The following FER1L6 variants were observed in gnomAD, a reference collection of about 807,000 sequenced individuals.
FER1L6 encodes the protein fer-1-like protein 6.
In FER1L6, 177 loss-of-function variants were observed where a neutral mutation model predicts 219.2. That is an observed-to-expected ratio of 0.81 (90% CI 0.71 to 0.91). The LOEUF (loss-of-function observed/expected upper bound fraction) is 0.91, where lower values mean the gene tolerates loss of function less well. Among genes scored for constraint, FER1L6 ranks in the 40% least tolerant of loss-of-function variants. FER1L6 has a pLI of 0.00. For missense variants in FER1L6, 2,153 were observed against 2,259.9 expected (o/e 0.95, Z 0.96); for synonymous variants, 768 against 824.3 (o/e 0.93, Z 1.17).
intron 1 of FER1L6, among the ~76,000 whole-genome samples, chr8:123,894,287 A>T (rs1812707622): frequency 6.6e-6 from 1 of 152,138 alleles, no homozygotes. Context: ...TCGTAGTTAC[A>T]TTTCTTGCCT....
intron 33 of FER1L6, among the ~76,000 whole-genome samples, chr8:124,089,285 G>A (rs1287032248): frequency 1.3e-5 from 2 of 152,098 alleles, no homozygotes; most frequent in Non-Finnish European, 2.9e-5. Context: ...GCTGTGACAG[G>A]GTAGCACTGA....
At position 123,879,049 on chromosome 8, in the gene FER1L6, GAGAA is replaced by G. The variant is rs1474761821; in HGVS notation, c.-8+26871_-8+26874del. Among the ~76,000 whole-genome samples the G allele has an allele frequency of 2.0e-5, 3 of 152,174 alleles. No homozygotes were observed. In the East Asian group the frequency reaches 5.8e-4, roughly 29 times the overall value. The stretch of plus-strand genomic sequence containing the variant: ...ATGTAACCGCAAGGATCAAGGAAGG[GAGAA>G]AGAAAGTGCCTAATAATTTTCTTAT... On this transcript the variant is annotated intron_variant, in intron 1 of 40. Transcript: ENST00000522917.
chr8:124,082,663 C>T (rs1421735217), intron 33 of FER1L6, among the ~76,000 whole-genome samples: 1 of 152,128 alleles, frequency 6.6e-6, no homozygotes, highest in East Asian at 1.9e-4. Flanking sequence ...GGGGAGGCAG[C>T]TCTGATTGAG....
intron 13 of FER1L6, 93 bp from the exon 14 acceptor site, chr8:124,010,501 C>T (rs778953919): frequency 4.5e-5 from 67 of 1,475,116 alleles, no homozygotes; most frequent in Non-Finnish European, 5.8e-5. Context: ...CCTCCCGAGT[C>T]CTGCCCAGAA....
chr8:123,864,230 A>T (rs895459271), intron 1 of FER1L6, among the ~76,000 whole-genome samples: 5 of 149,096 alleles, frequency 3.4e-5, no homozygotes, highest in Non-Finnish European at 5.9e-5. Flanking sequence ...TTTCTCCTTC[A>T]CTTATGAAGC....
intron 3 of FER1L6, 55 bp from the exon 4 acceptor site, chr8:123,965,952 G>T: frequency 7.0e-7 from 1 of 1,426,642 alleles, no homozygotes; most frequent in South Asian, 1.2e-5. Flanking sequence ...ATATTATCAT[G>T]ACTTATGGAT....
intron 1 of FER1L6, among the ~76,000 whole-genome samples, chr8:123,925,106 A>G (rs1056059294): frequency 1.3e-5 from 2 of 152,216 alleles, no homozygotes; most frequent in African/African-American, 4.8e-5. Flanking sequence ...TAAGGTACTG[A>G]CAGAATGTTG....
chr8:123,987,630 T>C (rs964758882), intron 12 of FER1L6, among the ~76,000 whole-genome samples: 5 of 152,360 alleles, frequency 3.3e-5, no homozygotes, highest in Middle Eastern at 3.4e-3. Context: ...TCCCAATGTT[T>C]TCTTGTAGTA....
chr8:124,081,513 T>C (rs1455992028), intron 32 of FER1L6, among the ~76,000 whole-genome samples: 1 of 151,274 alleles, frequency 6.6e-6, no homozygotes, highest in African/African-American at 2.4e-5. Context: ...GGATTGGATA[T>C]GGTGATTTCT....
rs564566765 is a variant in FER1L6 at position 124,003,252 on chromosome 8, G to A, written c.1605G>A (p.Leu535=). 6.2e-6 allele frequency: 10 copies of A among 1,614,030 alleles called. No homozygotes were observed. Among genetic ancestry groups the A allele is most frequent in the African/African-American group, 4.0e-5 (3 of 75,002 alleles). ...AESAEEDLLP[L]LHEGQGDVAH... ...CAGCTGAAGAAGACCTCCTTCCACT[G>A]CTTCACGAAGGGCAAGGGGATGTGG... The change falls in exon 13 of 41, where the codon CTG becomes CTA. Residue 535 remains leucine (L), a synonymous_variant. Transcript: ENST00000522917.
At chr8:123,914,134 A>G (rs1290396696) in intron 1 of FER1L6, among the ~76,000 whole-genome samples, 1 of 152,240 alleles carries the variant, frequency 6.6e-6, no homozygotes, top group Non-Finnish European at 1.5e-5. Context: ...CACATTTCAA[A>G]TGTTCAGTAG....
chr8:123,929,331 C>T (rs1358854444), intron 1 of FER1L6, among the ~76,000 whole-genome samples: 4 of 152,186 alleles, frequency 2.6e-5, no homozygotes, highest in African/African-American at 9.7e-5. Context: ...GAAAGGAGAA[C>T]AGCCTTTATA....
At position 124,048,194 on chromosome 8, in the gene FER1L6, G is replaced by C. The variant is rs147931799; in HGVS notation, c.2725-1413G>C. On this transcript the variant is annotated intron_variant, in intron 21 of 40. Transcript: ENST00000522917. The stretch of plus-strand genomic sequence containing the variant: ...CAACCAAGTTTCCTTCTACAGCTGG[G>C]GTTGCACATATTGCTTCAGGAGTCC... Among the ~76,000 whole-genome samples the C allele has an allele frequency of 3.3e-3, 497 of 152,292 alleles. 4 individuals carry two copies. Among genetic ancestry groups the C allele is most frequent in the African/African-American group, 0.011 (465 of 41,558 alleles).
intron 31 of FER1L6, among the ~76,000 whole-genome samples, chr8:124,071,974 T>C (rs546761394): frequency 1.2e-4 from 18 of 152,090 alleles, no homozygotes; most frequent in Non-Finnish European, 2.5e-4. Context: ...CTTAATTACC[T>C]CCCTAAAGCT....
At chr8:123,988,840 C>G (rs1036349463) in intron 12 of FER1L6, among the ~76,000 whole-genome samples, 1 of 152,112 alleles carries the variant, frequency 6.6e-6, no homozygotes, top group African/African-American at 2.4e-5. Flanking sequence ...TGATTTCTCT[C>G]TCTAGGACTC....
chr8:123,975,337 G>T, intron 8 of FER1L6, 31 bp downstream of exon 8: 1 of 1,553,882 alleles, frequency 6.4e-7, no homozygotes, highest in Non-Finnish European at 8.7e-7. Flanking sequence ...GTTGTGCATA[G>T]AAATGATATG....
At chr8:123,995,476 A>T (rs560338676) in intron 12 of FER1L6, among the ~76,000 whole-genome samples, 1 of 152,242 alleles carries the variant, frequency 6.6e-6, no homozygotes, top group Non-Finnish European at 1.5e-5. Context: ...TGTTCATAGC[A>T]GTCTCTAATG....
chr8:124,009,569 A>G (rs544488895), intron 13 of FER1L6, among the ~76,000 whole-genome samples: 1 of 148,696 alleles, frequency 6.7e-6, no homozygotes, highest in East Asian at 2.0e-4. Flanking sequence ...TGCTGTTCTA[A>G]TTTAAGGATC....
intron 1 of FER1L6, among the ~76,000 whole-genome samples, chr8:123,898,730 TA>T (rs1299214975): frequency 6.9e-6 from 1 of 144,644 alleles, no homozygotes; most frequent in African/African-American, 2.6e-5. Context: ...TGTGTATATA[TA>T]GTATATATAC....
Sources: allele counts gnomAD v4.1 joint callset (sites outside exome capture counted in the v4.1 genomes callset), GRCh38; gene constraint gnomAD v4.1.1; transcripts MANE v1.5; gene names NCBI Gene and HGNC (gene_info 2026-07-23, HGNC 2026-07-21).